Variants in ZNF644 observed in about 807,000 individuals in gnomAD.
ZNF644 encodes the protein zinc finger protein 644, also known as zinc finger motif enhancer binding protein 2.
In ZNF644, 20 loss-of-function variants were observed where a neutral mutation model predicts 108.0. The observed-to-expected ratio is 0.19, with a 90% CI of 0.13 to 0.27. The LOEUF is 0.27. Ranked by LOEUF, ZNF644 falls within the 10% of genes least tolerant of loss-of-function variation. The pLI is 1.00. For synonymous variants in ZNF644, 542 were observed against 539.1 expected (o/e 1.01, Z -0.08); for missense variants, 1,338 against 1,548.9 (o/e 0.86, Z 2.29).
intron 1 of ZNF644, among the ~76,000 whole-genome samples, chr1:91,002,049 A>G (rs1658891582): frequency 1.3e-5 from 2 of 152,214 alleles, no homozygotes; most frequent in Admixed American, 1.3e-4. Context: ...AAATGGAAGA[A>G]CATTCCATGC....
intron 4 of ZNF644, among the ~76,000 whole-genome samples, chr1:90,934,638 G>A (rs1002243307): frequency 7.2e-5 from 11 of 152,110 alleles, no homozygotes; most frequent in Admixed American, 2.6e-4. Flanking sequence ...TATCTGCAAG[G>A]TTGGGCTAAC....
At chr1:90,955,034 C>T (rs555027725) in intron 2 of ZNF644, among the ~76,000 whole-genome samples, 1 of 152,340 alleles carries the variant, frequency 6.6e-6, no homozygotes, top group South Asian at 2.1e-4. Flanking sequence ...ATGAGCTACA[C>T]AATGGATGCT....
At chr1:90,926,152 A>G (rs994930808) in intron 4 of ZNF644, among the ~76,000 whole-genome samples, 1 of 152,204 alleles carries the variant, frequency 6.6e-6, no homozygotes, top group Non-Finnish European at 1.5e-5. Flanking sequence ...TTCCTTACTG[A>G]TAAGAGATCA....
At chr1:91,007,838 C>G (rs1047969402) in intron 1 of ZNF644, among the ~76,000 whole-genome samples, 1 of 152,156 alleles carries the variant, frequency 6.6e-6, no homozygotes, top group African/African-American at 2.4e-5. Context: ...CCATTTCCCT[C>G]TTCTCTTTCA....
chr1:90,969,196 TAAG>T (rs1270147019), intron 2 of ZNF644, among the ~76,000 whole-genome samples: 2 of 152,198 alleles, frequency 1.3e-5, no homozygotes, highest in South Asian at 2.1e-4. Flanking sequence ...GGTGTCCTTA[TAAG>T]AAGATTAGGA....
intron 2 of ZNF644, chr1:90,973,224 G>A (rs1226556922): frequency 2.6e-5 from 4 of 151,882 alleles, no homozygotes; most frequent in Non-Finnish European, 4.4e-5. Flanking sequence ...CTGAGAGGGA[G>A]GAAAAAATGG....
intron 1 of ZNF644, among the ~76,000 whole-genome samples, chr1:91,003,232 G>C (rs1238714413): frequency 6.6e-6 from 1 of 151,968 alleles, no homozygotes; most frequent in Non-Finnish European, 1.5e-5. Flanking sequence ...ACATGCACAC[G>C]TATGTTTATT....
chr1:91,000,439 T>C (rs983807065), intron 1 of ZNF644, among the ~76,000 whole-genome samples: 47 of 151,976 alleles, frequency 3.1e-4, no homozygotes, highest in African/African-American at 4.8e-4. Flanking sequence ...TGAATAACTA[T>C]TGGGTACATA....
At chr1:90,936,838 A>T (rs189088337) in intron 4 of ZNF644, among the ~76,000 whole-genome samples, 2 of 152,308 alleles carry the variant, frequency 1.3e-5, no homozygotes, top group East Asian at 1.9e-4. Flanking sequence ...CACTAAGCTA[A>T]ATCATCTGTC....
intron 1 of ZNF644, among the ~76,000 whole-genome samples, chr1:90,983,398 C>G (rs919712995): frequency 8.7e-5 from 13 of 149,756 alleles, no homozygotes; most frequent in Admixed American, 4.0e-4. Context: ...TTATAAACGA[C>G]TGAGTGGGAT....
intron 2 of ZNF644, among the ~76,000 whole-genome samples, chr1:90,967,894 C>CAAAAAAAAAAAA (rs147387016): frequency 8.1e-6 from 1 of 123,426 alleles, no homozygotes; most frequent in Non-Finnish European, 1.7e-5. Context: ...AAAAAAAATA[C>CAAAAAAAAAAAA]AAAAAAAAAA....
intron 2 of ZNF644, among the ~76,000 whole-genome samples, chr1:90,942,982 A>C (rs1652148013): frequency 6.6e-6 from 1 of 152,162 alleles, no homozygotes; most frequent in African/African-American, 2.4e-5. Flanking sequence ...TTTCTTTTGC[A>C]GTATTTTTAA....
chr1:90,965,401 A>G (rs975422426), intron 2 of ZNF644, among the ~76,000 whole-genome samples: 8 of 152,280 alleles, frequency 5.3e-5, no homozygotes, highest in African/African-American at 1.7e-4. Context: ...CACATCAGTG[A>G]TAACTGGACA....
chr1:90,943,792 T>C (rs1373410761), intron 2 of ZNF644, among the ~76,000 whole-genome samples: 1 of 152,150 alleles, frequency 6.6e-6, no homozygotes, highest in Non-Finnish European at 1.5e-5. Flanking sequence ...CATAAACATG[T>C]GTTAGGAAAG....
At chr1:90,962,837 G>GTA (rs1654467218) in intron 2 of ZNF644, among the ~76,000 whole-genome samples, 2 of 152,108 alleles carry the variant, frequency 1.3e-5, no homozygotes, top group Admixed American at 1.3e-4. Context: ...ACTGCCTCTA[G>GTA]TAGAGAAGCA....
chr1:91,014,216 C>T (rs923553524), intron 1 of ZNF644, among the ~76,000 whole-genome samples: 1 of 152,156 alleles, frequency 6.6e-6, no homozygotes, highest in Admixed American at 6.5e-5. Context: ...ACTCTCCTAG[C>T]AACTTTCAAG....
At chr1:90,946,101 T>G (rs1377733317) in intron 2 of ZNF644, among the ~76,000 whole-genome samples, 1 of 152,098 alleles carries the variant, frequency 6.6e-6, no homozygotes, top group East Asian at 1.9e-4. Flanking sequence ...TTCACAAGTG[T>G]CAGTCTAACT....
chr1:90,960,071 G>C (rs979711851), intron 2 of ZNF644, among the ~76,000 whole-genome samples: 3 of 152,066 alleles, frequency 2.0e-5, no homozygotes, highest in Admixed American at 6.6e-5. Flanking sequence ...TCATGATATT[G>C]CAGTACTTTT....
At chr1:90,948,680 A>G (rs1199361598) in intron 2 of ZNF644, among the ~76,000 whole-genome samples, 1 of 152,202 alleles carries the variant, frequency 6.6e-6, no homozygotes, top group African/African-American at 2.4e-5. Flanking sequence ...AGTCGACTAT[A>G]TTCATCGAAA....
Sources: gnomAD v4.1 joint callset for allele counts (sites outside exome capture counted in the v4.1 genomes callset) on GRCh38, gnomAD v4.1.1 for gene constraint, MANE v1.5 for transcripts, NCBI Gene and HGNC (gene_info 2026-07-23, HGNC 2026-07-21) for gene names.